Variants in MAD1L1 observed in about 807,000 individuals in gnomAD.
MAD1L1 encodes the protein mitotic spindle assembly checkpoint protein MAD1.
In MAD1L1, 95 loss-of-function variants were observed where a neutral mutation model predicts 96.9. The observed-to-expected ratio is 0.98, with a 90% CI of 0.83 to 1.16. The LOEUF is 1.16. Ranked by LOEUF, MAD1L1 falls within the 50% of genes most tolerant of loss-of-function variation. The pLI is 0.00. For synonymous variants in MAD1L1, 473 were observed against 396.6 expected (o/e 1.19, Z -2.29); for missense variants, 1,007 against 954.4 (o/e 1.06, Z -0.73).
rs1396993158 is a variant in MAD1L1 at position 1,872,371 on chromosome 7, G to A, written c.1998+25829C>T. ...TGAGGCCCCTGGTCCAGGTGCACCA[G>A]GCCTCCCCACAGCACCTGCTCCTGG... On this transcript the variant is annotated intron_variant, in intron 18 of 18. Coordinates refer to ENST00000265854, the MANE Select transcript of MAD1L1 (RefSeq NM_001013836.2). Among the ~76,000 whole-genome samples, 7 of 152,160 alleles carry A rather than the reference G, an allele frequency of 4.6e-5. No homozygotes were observed. In the East Asian group the frequency reaches 1.4e-3, roughly 29 times the overall value.
At chr7:2,028,424 C>CAAAAA (rs56189973) in intron 12 of MAD1L1, among the ~76,000 whole-genome samples, 1 of 86,162 alleles carries the variant, frequency 1.2e-5, no homozygotes, top group African/African-American at 4.0e-5. Flanking sequence ...GACTCCATCT[C>CAAAAA]AAAAAAAAAA....
intron 18 of MAD1L1, among the ~76,000 whole-genome samples, chr7:1,851,327 A>G (rs1783966222): frequency 6.6e-6 from 1 of 151,976 alleles, no homozygotes; most frequent in Admixed American, 6.5e-5. Context: ...GCCCATGGAG[A>G]AGGTGGGGGA....
chr7:2,117,550 C>G (rs566460762), intron 11 of MAD1L1, among the ~76,000 whole-genome samples: 3 of 152,192 alleles, frequency 2.0e-5, no homozygotes, highest in Non-Finnish European at 2.9e-5. Flanking sequence ...CTGCTGCTCA[C>G]GTGATAGTGA....
At chr7:2,066,752 C>A (rs1025743473) in intron 12 of MAD1L1, among the ~76,000 whole-genome samples, 1 of 152,206 alleles carries the variant, frequency 6.6e-6, no homozygotes, top group African/African-American at 2.4e-5. Context: ...CCAGTGACTG[C>A]ATGTAACTCC....
At chr7:2,102,910 T>G (rs1391075987) in intron 11 of MAD1L1, among the ~76,000 whole-genome samples, 1 of 152,054 alleles carries the variant, frequency 6.6e-6, no homozygotes, top group African/African-American at 2.4e-5. Flanking sequence ...TCCTACCCAC[T>G]CCTAAAGCGG....
chr7:1,921,653 T>C (rs1331066817), intron 17 of MAD1L1, among the ~76,000 whole-genome samples: 2 of 151,986 alleles, frequency 1.3e-5, no homozygotes, highest in Non-Finnish European at 2.9e-5. Context: ...CTTAGAATAA[T>C]AAACAGGTAA....
chr7:1,863,329 G>A (rs1436597252), intron 18 of MAD1L1, among the ~76,000 whole-genome samples: 1 of 152,258 alleles, frequency 6.6e-6, no homozygotes, highest in Non-Finnish European at 1.5e-5. Context: ...GGTCCGCAGA[G>A]AGCCTGTTAA....
intron 3 of MAD1L1, among the ~76,000 whole-genome samples, chr7:2,227,804 G>A (rs533876421): frequency 1.6e-4 from 24 of 152,316 alleles, no homozygotes; most frequent in African/African-American, 5.8e-4. Context: ...AGAAGGGTGG[G>A]CACCCCGCCT....
chr7:2,118,204 G>A (rs1259849829), intron 11 of MAD1L1, among the ~76,000 whole-genome samples: 1 of 152,210 alleles, frequency 6.6e-6, no homozygotes, highest in Admixed American at 6.5e-5. Flanking sequence ...CTCAGCCACA[G>A]CCTGTCAGAC....
chr7:2,010,230 A>T (rs975836157), intron 13 of MAD1L1, among the ~76,000 whole-genome samples: 3 of 151,912 alleles, frequency 2.0e-5, no homozygotes, highest in Non-Finnish European at 4.4e-5. Flanking sequence ...GCCCTCCTGG[A>T]GCCAAACCAC....
chr7:1,989,762 G>A (rs1010001699), intron 14 of MAD1L1, among the ~76,000 whole-genome samples: 6 of 152,136 alleles, frequency 3.9e-5, no homozygotes, highest in Non-Finnish European at 5.9e-5. Context: ...AGCGTGGCCC[G>A]GCTTCGGCAT....
rs184743678 is a variant in MAD1L1, at chr7:2,187,849, A to G, written c.986+25363T>C. Among the ~76,000 whole-genome samples, 796 of 152,346 alleles carry G rather than the reference A, an allele frequency of 5.2e-3. 3 individuals are homozygous for G. Among genetic ancestry groups the G allele is most frequent in the Admixed American group, 8.6e-3 (132 of 15,304 alleles). On this transcript the variant is annotated intron_variant, in intron 10 of 18. Transcript: ENST00000265854. The stretch of plus-strand genomic sequence containing the variant: ...ACTCAGGCTTGAGCATCTGGTAGAC[A>G]TTTTCTCAAAAACGAATTAAATAAA...
chr7:2,184,112 C>G (rs957213773), intron 10 of MAD1L1, among the ~76,000 whole-genome samples: 2 of 151,822 alleles, frequency 1.3e-5, no homozygotes, highest in Non-Finnish European at 2.9e-5. Context: ...ATTAGCCAGG[C>G]GTGGTGGCGG....
At chr7:2,008,414 C>G (rs1782133408) in intron 13 of MAD1L1, among the ~76,000 whole-genome samples, 1 of 152,248 alleles carries the variant, frequency 6.6e-6, no homozygotes, top group African/African-American at 2.4e-5. Flanking sequence ...GACACAGACA[C>G]CTCTCACTCT....
chr7:2,219,263 A>C, intron 6 of MAD1L1, 69 bp downstream of exon 6: 2 of 1,409,816 alleles, frequency 1.4e-6, no homozygotes, highest in Non-Finnish European at 1.9e-6. Flanking sequence ...CCCAGCCACC[A>C]GGAGAGAGGT....
chr7:1,949,537 C>G (rs1370446254), intron 16 of MAD1L1, among the ~76,000 whole-genome samples: 1 of 152,204 alleles, frequency 6.6e-6, no homozygotes, highest in East Asian at 1.9e-4. Context: ...AAGTGCTTCC[C>G]CTTCCCCAGA....
At chr7:2,046,738 G>A (rs931294431) in intron 12 of MAD1L1, among the ~76,000 whole-genome samples, 5 of 152,196 alleles carry the variant, frequency 3.3e-5, no homozygotes, top group African/African-American at 4.8e-5. Context: ...TCAACCAAGG[G>A]TGGGAAAAGA....
At chr7:1,864,699 G>A (rs1784695862) in intron 18 of MAD1L1, among the ~76,000 whole-genome samples, 1 of 152,186 alleles carries the variant, frequency 6.6e-6, no homozygotes, top group Non-Finnish European at 1.5e-5. Context: ...GGCCTAACCG[G>A]AGGTGTTTGG....
intron 14 of MAD1L1, among the ~76,000 whole-genome samples, chr7:1,988,811 C>T (rs1300066138): frequency 2.0e-5 from 3 of 152,192 alleles, no homozygotes; most frequent in Non-Finnish European, 4.4e-5. Context: ...TGAGCCTATC[C>T]TGTGGAAATC....
Sources: gnomAD v4.1 joint callset for allele counts (sites outside exome capture counted in the v4.1 genomes callset) on GRCh38, gnomAD v4.1.1 for gene constraint, MANE v1.5 for transcripts, NCBI Gene and HGNC (gene_info 2026-07-23, HGNC 2026-07-21) for gene names.